Variants in HDAC4 observed in about 807,000 individuals in gnomAD.
HDAC4 encodes the protein histone deacetylase A.
A neutral mutation model predicts 135.1 loss-of-function variants in HDAC4; 16 were observed. That is an observed-to-expected ratio of 0.12 (90% CI 0.08 to 0.18). The LOEUF is 0.18. Ranked by LOEUF, HDAC4 falls within the 10% of genes least tolerant of loss-of-function variation. The pLI is 1.00. For synonymous variants in HDAC4, 685 were observed against 653.4 expected (o/e 1.05, Z -0.74); for missense variants, 1,143 against 1,511.8 (o/e 0.76, Z 4.05).
chr2:239,289,175 G>A (rs1178025833), intron 2 of HDAC4, among the ~76,000 whole-genome samples: 1 of 152,166 alleles, frequency 6.6e-6, no homozygotes, highest in African/African-American at 2.4e-5. Context: ...AATGAGAAAA[G>A]AAAATGAAAC....
intron 2 of HDAC4, among the ~76,000 whole-genome samples, chr2:239,247,106 C>T (rs753659875): frequency 1.3e-4 from 20 of 152,232 alleles, no homozygotes; most frequent in Non-Finnish European, 2.2e-4. Flanking sequence ...ATGCAGCTAT[C>T]GGCAATGGCT....
At chr2:239,066,453 C>G (rs186871341) in intron 24 of HDAC4, among the ~76,000 whole-genome samples, 1 of 152,352 alleles carries the variant, frequency 6.6e-6, no homozygotes, top group Admixed American at 6.5e-5. Flanking sequence ...TGAAAGGGTG[C>G]AGTCGCACCG....
At chr2:239,312,446 T>C (rs1404181729) in intron 2 of HDAC4, among the ~76,000 whole-genome samples, 1 of 152,124 alleles carries the variant, frequency 6.6e-6, no homozygotes, top group Non-Finnish European at 1.5e-5. Context: ...ACGCACGTAG[T>C]TCCACATTAG....
intron 13 of HDAC4, among the ~76,000 whole-genome samples, chr2:239,112,303 G>A (rs2038748606): frequency 6.6e-6 from 1 of 152,224 alleles, no homozygotes; most frequent in African/African-American, 2.4e-5. Context: ...TCTTAGTTCT[G>A]ACCAACAGCA....
chr2:239,073,929 C>T (rs963208196), intron 22 of HDAC4, among the ~76,000 whole-genome samples: 3 of 151,184 alleles, frequency 2.0e-5, no homozygotes, highest in South Asian at 2.1e-4. Flanking sequence ...GAGGCTTCCT[C>T]CATGGCTCTG....
Position 239,068,179 on chromosome 2 carries a change from A to G in HDAC4, c.2869+310T>C, listed in dbSNP as rs1337405714. ...GGGGCACATCTCAGCTCTTGGTGGG[A>G]CCAGGACCTGCCCCTGGAGGTGGCC... is the stretch of plus-strand genomic sequence containing the variant. On this transcript the variant is annotated intron_variant, in intron 23 of 26. Transcript: ENST00000543185. This position sits in a 1 kb window ranked among gnomAD's most constrained non-coding sequence, Gnocchi z 4.4. 6.6e-6 allele frequency among the ~76,000 whole-genome samples: 1 copy of G among 152,094 alleles called. No individual in the cohort carries two copies. Among genetic ancestry groups the G allele is most frequent in the Non-Finnish European group, 1.5e-5 (1 of 68,000 alleles).
At chr2:239,067,288 G>T (rs2033632788) in intron 23 of HDAC4, among the ~76,000 whole-genome samples, 1 of 152,144 alleles carries the variant, frequency 6.6e-6, no homozygotes, top group Admixed American at 6.5e-5. Flanking sequence ...CCACGTCCAG[G>T]TCTGAGCGTT....
At chr2:239,279,268 T>C (rs2050571688) in intron 2 of HDAC4, among the ~76,000 whole-genome samples, 1 of 152,238 alleles carries the variant, frequency 6.6e-6, no homozygotes, top group Non-Finnish European at 1.5e-5. Flanking sequence ...CAGGAGATGC[T>C]CACGTCTCTG....
At chr2:239,140,734 G>C (rs2152903700) in intron 8 of HDAC4, 1 of 282,202 alleles carries the variant, frequency 3.5e-6, no homozygotes, top group Non-Finnish European at 7.4e-6. Context: ...CATGGTGGGG[G>C]CCCTGGAGGG....
In HDAC4 at chr2:239,172,296, ATATAT is replaced by A. The variant is rs1559551787; in HGVS notation, c.490+4112_490+4116del. Among the ~76,000 whole-genome samples, 339 of 99,198 alleles carry A rather than the reference ATATAT, an allele frequency of 3.4e-3. 2 individuals are homozygous for A. Among genetic ancestry groups the A allele is most frequent in the African/African-American group, 0.01 (317 of 31,638 alleles). The allele number at this position is 99,198 out of a possible 152,430, so 65.1% of individuals were successfully genotyped here. ...GATTACCAAGCTGGTGAAAAAAAAT[ATATAT>A]ATATATATATATATATATCACTAAA... On this transcript the variant is annotated intron_variant, in intron 5 of 26. Transcript: ENST00000543185.
At chr2:239,215,254 A>G (rs114850138) in intron 3 of HDAC4, among the ~76,000 whole-genome samples, 3,442 of 152,232 alleles carry the variant, frequency 0.023, 69 homozygotes, top group Admixed American at 0.064. Context: ...GGGGGAAGGT[A>G]CCAGGAGCAT....
chr2:239,268,875 C>G (rs140589367), intron 2 of HDAC4, among the ~76,000 whole-genome samples: 2 of 152,278 alleles, frequency 1.3e-5, no homozygotes, highest in South Asian at 4.1e-4. Flanking sequence ...AGGCTCCCTA[C>G]CCCCACAAAA....
At chr2:239,246,629 T>C (rs1444095755) in intron 2 of HDAC4, among the ~76,000 whole-genome samples, 1 of 152,218 alleles carries the variant, frequency 6.6e-6, no homozygotes, top group Non-Finnish European at 1.5e-5. Flanking sequence ...AGAACAGCGT[T>C]TCCTGGAGGG....
At position 239,052,412 on chromosome 2, in the gene HDAC4, A is replaced by AT. The variant is rs2030995868; in HGVS notation, c.*684dup. 6.6e-6 allele frequency: 1 copy of AT among 152,436 alleles called. No individual in the cohort carries two copies. The highest frequency in any genetic ancestry group is 2.4e-5 in the African/African-American group (1 of 41,444). The allele number at this position is 152,436 out of a possible 1,614,324, so 9.4% of individuals were successfully genotyped here. A position where few individuals can be genotyped will look rare whatever the true frequency, so the allele number is the denominator to read the frequency against. On this transcript the variant is annotated 3_prime_UTR_variant, in exon 27 of 27. Coordinates refer to ENST00000543185, the MANE Select transcript of HDAC4 (RefSeq NM_001378414.1). ...CCAGCCACAAAAATCCACCAGAGCA[A>AT]TAAAAAAAAAGGCACAAACTCGCAT...
chr2:239,327,324 C>T (rs1487594485), intron 2 of HDAC4, among the ~76,000 whole-genome samples: 2 of 152,184 alleles, frequency 1.3e-5, no homozygotes, highest in African/African-American at 4.8e-5. Context: ...GATGAACGTT[C>T]CTCCCCTTCC....
intron 6 of HDAC4, among the ~76,000 whole-genome samples, chr2:239,159,404 ACC>A (rs1215982511): frequency 1.1e-4 from 9 of 80,636 alleles, no homozygotes; most frequent in Admixed American, 1.0e-3. Flanking sequence ...ACCCACCCAC[ACC>A]CCCTCACCTT....
At chr2:239,382,941 G>C (rs1695521893) in intron 1 of HDAC4, among the ~76,000 whole-genome samples, 2 of 152,008 alleles carry the variant, frequency 1.3e-5, no homozygotes, top group Admixed American at 1.3e-4. Context: ...TGTTGACCAG[G>C]CTGGTCGTGA....
chr2:239,185,539 C>T (rs750303511), intron 4 of HDAC4, among the ~76,000 whole-genome samples: 1 of 152,038 alleles, frequency 6.6e-6, no homozygotes, highest in Non-Finnish European at 1.5e-5. Flanking sequence ...TGCCCTGTGC[C>T]TCCTGGGGAG....
At chr2:239,239,969 G>A (rs1176581200) in intron 2 of HDAC4, among the ~76,000 whole-genome samples, 2 of 152,272 alleles carry the variant, frequency 1.3e-5, no homozygotes, top group Non-Finnish European at 2.9e-5. Context: ...CCAGCCAGCT[G>A]GAAGCACGGC....
Sources: allele counts gnomAD v4.1 joint callset (sites outside exome capture counted in the v4.1 genomes callset), GRCh38; gene constraint gnomAD v4.1.1; non-coding constraint Gnocchi (gnomAD v3.1); transcripts MANE v1.5; gene names NCBI Gene and HGNC (gene_info 2026-07-23, HGNC 2026-07-21).